Variants in EP400 observed in about 807,000 individuals in gnomAD.
EP400 encodes the protein E1A binding protein p400, also known as E1A-binding protein p400.
EP400 carries 105 observed loss-of-function variants against 354.1 expected under a neutral mutation model. The ratio of observed to expected loss-of-function variants is 0.30; its 90% confidence interval spans 0.25 to 0.35. The LOEUF (loss-of-function observed/expected upper bound fraction) is 0.35. EP400 is among the 10% of genes least tolerant of loss of function. The probability of loss-of-function intolerance (pLI) is 1.00; values close to 1 mark genes in which losing one functional copy is unlikely to be tolerated. For missense variants in EP400, 3,280 were observed against 4,121.0 expected (o/e 0.80, Z 5.59); for synonymous variants, 1,646 against 1,716.9 (o/e 0.96, Z 1.02).
chr12:132,013,521 C>T lies in EP400; in HGVS notation c.3643C>T (p.Leu1215=). 6.3e-7 allele frequency: 1 copy of T among 1,594,858 alleles called. No homozygotes were observed. Among genetic ancestry groups the T allele is most frequent in the Non-Finnish European group, 8.5e-7 (1 of 1,170,324 alleles). The part of the protein sequence containing the change: ...QQRLLLIDSP[L]HNTFLELWTM... ...ACGTCTGCTTCTGATCGACTCGCCG[C>T]TGCACAATACCTTCCTGGAGCTCTG... The change falls in exon 18 of 53, where the codon CTG becomes TTG. Residue 1215 remains leucine (L), a synonymous_variant. Transcript: ENST00000389561. The surrounding 1 kb of genome is among the most constrained non-coding windows in gnomAD (Gnocchi z 4.5).
intron 46 of EP400, 60 bp from the exon 47 acceptor site, chr12:132,062,406 T>C: frequency 6.2e-7 from 1 of 1,610,278 alleles, no homozygotes; most frequent in Non-Finnish European, 8.5e-7. Flanking sequence ...TGTCTGAGAA[T>C]GAGGATCTGA....
Position 132,005,169 on chromosome 12 carries a change from A to G in EP400, c.2920A>G (p.Thr974Ala), listed in dbSNP as rs1418461762. ...CCGGCCGAAGCCTGATGGGGAGGACACAAGCGGAGAGGAAGGTGCGCTCCC... is the reference window on the plus strand; with the variant it reads ...CCGGCCGAAGCCTGATGGGGAGGACGCAAGCGGAGAGGAAGGTGCGCTCCC... ...WPRPKPDGED[T>A]SGEEDADDCP... Residue 974 changes from threonine (T) to alanine (A), a missense_variant, in exon 13 of 53, where the codon ACA (threonine) becomes GCA (alanine). Thr to Ala is a moderately conservative substitution (Grantham distance 58). Transcript: ENST00000389561. The G allele has an allele frequency of 1.9e-6, 3 of 1,576,356 alleles. No individual in the cohort carries two copies. The highest frequency in any genetic ancestry group is 2.6e-6 in the Non-Finnish European group (3 of 1,160,664).
Position 131,950,524 on chromosome 12 carries a change from A to T in EP400, c.-36+488A>T, listed in dbSNP as rs542265144. On this transcript the variant is annotated intron_variant, in intron 1 of 52. Transcript: ENST00000389561. ...GAGGCGCGACGGGGCGAATTCACTC[A>T]GAACTTAAGGACCCCGCGTCCCGGG... is the stretch of plus-strand genomic sequence containing the variant. 1.1e-3 allele frequency among the ~76,000 whole-genome samples: 165 copies of T among 152,210 alleles called. 1 individual carries two copies. The highest frequency in any genetic ancestry group is 3.9e-3 in the African/African-American group (160 of 41,542).
At chr12:132,062,072 T>C in intron 45 of EP400, 38 bp from the exon 46 acceptor site, 1 of 1,580,134 alleles carries the variant, frequency 6.3e-7, no homozygotes, top group South Asian at 1.1e-5. Context: ...GAGTGCTGTG[T>C]GAAATATTTG....
At chr12:132,061,595 T>G (rs1378173745) in intron 45 of EP400, among the ~76,000 whole-genome samples, 1 of 152,218 alleles carries the variant, frequency 6.6e-6, no homozygotes, top group Non-Finnish European at 1.5e-5. Context: ...CTGCCACTTC[T>G]GCCTGCGGGC....
At chr12:131,971,290 G>A (rs1892280896) in intron 2 of EP400, among the ~76,000 whole-genome samples, 1 of 152,082 alleles carries the variant, frequency 6.6e-6, no homozygotes, top group African/African-American at 2.4e-5. Context: ...TGCCCTCTAG[G>A]TTCATTCATG....
chr12:132,066,193 A>G (rs1895885390), intron 48 of EP400: 2 of 152,490 alleles, frequency 1.3e-5, no homozygotes, highest in Admixed American at 1.3e-4. Flanking sequence ...AGATATGAAC[A>G]GTGGCTGAAG....
At position 132,023,299 on chromosome 12, in the gene EP400, ATTTTTTT is replaced by A. The variant is rs767816284; in HGVS notation, c.4691-456_4691-450del. Among the ~76,000 whole-genome samples, 383 of 71,018 alleles carry A rather than the reference ATTTTTTT, an allele frequency of 5.4e-3. 2 individuals are homozygous for A. The highest frequency in any genetic ancestry group is 0.016 in the African/African-American group (189 of 12,026). The allele number at this position is 71,018 out of a possible 152,430, so 46.6% of individuals were successfully genotyped here. A position where few individuals can be genotyped will look rare whatever the true frequency, so the allele number is the denominator to read the frequency against. ...AGGCGCCCACCACCATGCCCAGCTAATTTTTTTTTTTTTTTTTTTTTTTTTTTTGCAT... is the reference window on the plus strand; with the variant it reads ...AGGCGCCCACCACCATGCCCAGCTAATTTTTTTTTTTTTTTTTTTTTGCAT... On this transcript the variant is annotated intron_variant, in intron 23 of 52. Transcript: ENST00000389561.
At chr12:132,048,357 A>G (rs746033651) in intron 39 of EP400, among the ~76,000 whole-genome samples, 10 of 152,176 alleles carry the variant, frequency 6.6e-5, no homozygotes, top group Non-Finnish European at 1.5e-4. Context: ...GAACTAGTAA[A>G]TGTCCATGAA....
At position 132,011,640 on chromosome 12, in the gene EP400, T is replaced by G. The variant is rs1467715807; in HGVS notation, c.3441+6T>G. On this transcript the variant is annotated splice_donor_region_variant and intron_variant, in intron 16 of 52. Coordinates refer to ENST00000389561, the MANE Select transcript of EP400 (RefSeq NM_015409.5). ...AACTCAAAGCAAAGAGACAGGTATT[T>G]TTTTTTTAAACATAAAATAAAGCTA... 1.3e-6 allele frequency: 2 copies of G among 1,586,402 alleles called. No individual in the cohort carries two copies. The highest frequency in any genetic ancestry group is 1.7e-6 in the Non-Finnish European group (2 of 1,171,880).
intron 15 of EP400, among the ~76,000 whole-genome samples, chr12:132,008,923 T>C: frequency 7.4e-6 from 1 of 135,786 alleles, no homozygotes; most frequent in East Asian, 2.2e-4. Flanking sequence ...CCCAGCCTTT[T>C]TTTTTTTTTT....
At chr12:132,056,074 C>T (rs565494512) in intron 45 of EP400, among the ~76,000 whole-genome samples, 1 of 152,030 alleles carries the variant, frequency 6.6e-6, no homozygotes, top group Admixed American at 6.5e-5. Context: ...GGAGAGGAGG[C>T]ACCTAGGCAA....
intron 2 of EP400, among the ~76,000 whole-genome samples, chr12:131,975,690 G>A (rs1365496661): frequency 2.0e-5 from 3 of 151,710 alleles, no homozygotes; most frequent in Non-Finnish European, 4.4e-5. Flanking sequence ...TTCCCAAGTA[G>A]CTGGGAGTAC....
intron 2 of EP400, among the ~76,000 whole-genome samples, chr12:131,974,181 G>A (rs948382226): frequency 1.4e-4 from 21 of 151,826 alleles, no homozygotes; most frequent in African/African-American, 4.6e-4. Context: ...GTTTCACCAC[G>A]TTGGCCAGCA....
rs1894544504 is a variant in EP400 at position 132,032,411 on chromosome 12, T to A, written c.5951+262T>A. The stretch of plus-strand genomic sequence containing the variant: ...CTATTCCTTTTATTTATACTCAACA[T>A]TTGCTTGAAATTGTAAGTTAGTGAT... On this transcript the variant is annotated intron_variant, in intron 30 of 52. Coordinates refer to ENST00000389561, the MANE Select transcript of EP400 (RefSeq NM_015409.5). Among the ~76,000 whole-genome samples, 4 of 152,342 alleles carry A rather than the reference T, an allele frequency of 2.6e-5. No homozygotes were observed. The South Asian group carries it at 8.3e-4, about 32-fold the overall frequency.
chr12:131,969,070 A>G (rs1566165218), intron 2 of EP400, among the ~76,000 whole-genome samples: 2 of 151,410 alleles, frequency 1.3e-5, no homozygotes, highest in African/African-American at 2.4e-5. Context: ...CGTATTGGCA[A>G]GGGCACCCAG....
chr12:132,040,423 A>G (rs1230032731), intron 32 of EP400, among the ~76,000 whole-genome samples: 1 of 152,164 alleles, frequency 6.6e-6, no homozygotes, highest in Non-Finnish European at 1.5e-5. Flanking sequence ...CCTCGTGTTC[A>G]TCGCAGCACT....
At chr12:132,019,043 A>C (rs904115534) in intron 21 of EP400, among the ~76,000 whole-genome samples, 2 of 152,100 alleles carry the variant, frequency 1.3e-5, no homozygotes, top group Non-Finnish European at 2.9e-5. Context: ...GGGGACTTTG[A>C]GTGGATCACC....
intron 45 of EP400, among the ~76,000 whole-genome samples, chr12:132,061,682 G>A (rs1465197913): frequency 1.3e-5 from 2 of 152,206 alleles, no homozygotes; most frequent in Non-Finnish European, 2.9e-5. Flanking sequence ...AAGACCCCAC[G>A]CACATGGTGA....
Sources: allele counts gnomAD v4.1 joint callset (sites outside exome capture counted in the v4.1 genomes callset), GRCh38; gene constraint gnomAD v4.1.1; non-coding constraint Gnocchi (gnomAD v3.1); transcripts MANE v1.5; gene names NCBI Gene and HGNC (gene_info 2026-07-23, HGNC 2026-07-21).